Variants in DLAT observed in about 807,000 individuals in gnomAD.
DLAT encodes dihydrolipoamide S-acetyltransferase.
Under a neutral mutation model 68.0 loss-of-function variants are expected in DLAT, and 43 were observed. That is an observed-to-expected ratio of 0.63 (90% CI 0.50 to 0.81). The LOEUF is 0.81. Ranked by LOEUF, DLAT falls within the 40% of genes least tolerant of loss-of-function variation. The pLI, the probability that DLAT is intolerant of heterozygous loss-of-function variation, is 0.00. For missense variants in DLAT, 745 were observed against 815.4 expected, an observed-to-expected ratio of 0.91 and a Z score of 1.05; for synonymous variants, 265 against 288.6, an observed-to-expected ratio of 0.92 and a Z score of 0.83.
chr11:112,028,994 C>T (rs1862251818), intron 4 of DLAT, 49 bp downstream of exon 4: 1 of 1,606,044 alleles, frequency 6.2e-7, no homozygotes, highest in Non-Finnish European at 8.5e-7. Context: ...CTTACTTACT[C>T]ACTTTTTTTC....
At chr11:112,054,721 A>C (rs1320677535) in intron 11 of DLAT, among the ~76,000 whole-genome samples, 1 of 152,224 alleles carries the variant, frequency 6.6e-6, no homozygotes, top group Admixed American at 6.5e-5. Flanking sequence ...AAGTTGATGG[A>C]TTAAAACAAA....
chr11:112,041,899 G>T (rs1480488242), intron 7 of DLAT, among the ~76,000 whole-genome samples: 2 of 151,896 alleles, frequency 1.3e-5, no homozygotes, highest in Admixed American at 6.6e-5. Flanking sequence ...AAAAAAAAAG[G>T]CCAGTGTTAA....
chr11:112,044,790 TG>T lies in DLAT; in HGVS notation c.1198-345del, dbSNP rs1473455881. Reference sequence around the variant, plus strand: ...GCTCATGCTTGTAACCCCAGCACTTTGGGAAGCCAAGGTGGGTGGATCACTT... The same window carrying T: ...GCTCATGCTTGTAACCCCAGCACTTTGGAAGCCAAGGTGGGTGGATCACTT... On this transcript the variant is annotated intron_variant, in intron 8 of 13. Coordinates refer to ENST00000280346, the MANE Select transcript of DLAT (RefSeq NM_001931.5). 3.3e-5 allele frequency among the ~76,000 whole-genome samples: 5 copies of T among 152,254 alleles called. No homozygotes were observed. In the East Asian group the frequency reaches 9.7e-4, roughly 29 times the overall value.
chr11:112,038,171 A>T (rs1416022783), intron 6 of DLAT, among the ~76,000 whole-genome samples: 1 of 152,006 alleles, frequency 6.6e-6, no homozygotes, highest in African/African-American at 2.4e-5. Context: ...ATTTGTGGGA[A>T]GCTGGCAAGT....
intron 11 of DLAT, among the ~76,000 whole-genome samples, chr11:112,059,371 T>C (rs1449560154): frequency 6.6e-6 from 1 of 150,986 alleles, no homozygotes; most frequent in Non-Finnish European, 1.5e-5. Flanking sequence ...TTTTTTTTTT[T>C]CTTGGCAGGC....
chr11:112,027,301 G>A (rs868970464), intron 2 of DLAT, among the ~76,000 whole-genome samples: 25 of 135,434 alleles, frequency 1.8e-4, no homozygotes, highest in Middle Eastern at 6.9e-3. Flanking sequence ...CATCCCAGAC[G>A]GGGCGGCGGG....
At position 112,064,338 on chromosome 11, in the gene DLAT, AAT is replaced by A; in HGVS notation, c.*1805_*1806del. The A allele has an allele frequency of 1.1e-6, 1 of 870,750 alleles. No individual in the cohort carries two copies. The highest frequency in any genetic ancestry group is 2.1e-5 in the South Asian group (1 of 46,674). The allele number at this position is 870,750 out of a possible 1,614,324, so 53.9% of individuals were successfully genotyped here. A position where few individuals can be genotyped will look rare whatever the true frequency, so the allele number is the denominator to read the frequency against. On this transcript the variant is annotated 3_prime_UTR_variant, in exon 14 of 14. Coordinates refer to ENST00000280346, the MANE Select transcript of DLAT (RefSeq NM_001931.5). Reference sequence around the variant, plus strand: ...CCAGAACTGAAAGAAAAAAGTTAGAAATAGTGTTTTTGGTTCATATGATTATT... The same window carrying A: ...CCAGAACTGAAAGAAAAAAGTTAGAAAGTGTTTTTGGTTCATATGATTATT...
At chr11:112,046,637 T>G (rs1373890634) in intron 10 of DLAT, among the ~76,000 whole-genome samples, 1 of 149,624 alleles carries the variant, frequency 6.7e-6, no homozygotes, top group Non-Finnish European at 1.5e-5. Flanking sequence ...CCCCTACAGG[T>G]CCTGGTGTGT....
chr11:112,053,111 C>T (rs567256), intron 11 of DLAT, among the ~76,000 whole-genome samples: 7,688 of 152,088 alleles, frequency 0.051, 663 homozygotes, highest in African/African-American at 0.17. Flanking sequence ...CACTTGAGGT[C>T]AGGAGTTCGA....
rs1362074885 is a variant in DLAT at position 112,043,626 on chromosome 11, C to G, written c.1197+93C>G. The G allele has an allele frequency of 3.5e-6, 4 of 1,127,112 alleles. No homozygotes were observed. In the African/African-American group the frequency reaches 6.1e-5, roughly 17 times the overall value. The allele number at this position is 1,127,112 out of a possible 1,614,324, so 69.8% of individuals were successfully genotyped here. On this transcript the variant is annotated intron_variant, in intron 8 of 13. Coordinates refer to ENST00000280346, the MANE Select transcript of DLAT (RefSeq NM_001931.5). ...TTATTTATGAACGAAATAGCTCAAC[C>G]AAGATTGTTTTCTTCTAATTTCAGT...
At position 112,039,256 on chromosome 11, in the gene DLAT, C is replaced by T. The variant is rs1555180795; in HGVS notation, c.988C>T (p.Pro330Ser). Residue 330 changes from proline to serine, a missense_variant, in exon 7 of 14, where the codon CCT (proline) becomes TCT (serine). Physicochemically the swap from Pro to Ser is moderately conservative, Grantham distance 74 (BLOSUM62 -1). Coordinates refer to ENST00000280346, the MANE Select transcript of DLAT (RefSeq NM_001931.5). ...TTTTTTTCAAAAGGTGGCCGCTGTT[C>T]CTCCAACTCCCCAGCCTTTAGCTCC... is the stretch of plus-strand genomic sequence containing the variant. ...PPTPPPVAAV[P>S]PTPQPLAPTP... The T allele has an allele frequency of 6.2e-7, 1 of 1,613,982 alleles. No individual in the cohort carries two copies. Among genetic ancestry groups the T allele is most frequent in the Admixed American group, 1.7e-5 (1 of 60,012 alleles).
In DLAT at chr11:112,029,673, A is replaced by G. The variant is rs1199902928; in HGVS notation, c.660+728A>G. Among the ~76,000 whole-genome samples the G allele has an allele frequency of 5.9e-5, 9 of 151,480 alleles. No individual in the cohort carries two copies. In the East Asian group the frequency reaches 1.7e-3, roughly 29 times the overall value. ...TTTTTTTTTTTCCACATACAAAAAA[A>G]CTTTATTTACACAGTCTTGGATTCT... On this transcript the variant is annotated intron_variant, in intron 4 of 13. Coordinates refer to ENST00000280346, the MANE Select transcript of DLAT (RefSeq NM_001931.5).
chr11:112,038,450 C>T (rs998981876), intron 6 of DLAT, among the ~76,000 whole-genome samples: 5 of 151,632 alleles, frequency 3.3e-5, no homozygotes, highest in African/African-American at 7.3e-5. Flanking sequence ...CCACCCACCT[C>T]GGCCTCCCAA....
In DLAT at chr11:112,061,022, A is replaced by T. The variant is rs980163567; in HGVS notation, c.1678-16A>T. 27 of 1,548,000 alleles carry T rather than the reference A, an allele frequency of 1.7e-5. No individual in the cohort carries two copies. Among genetic ancestry groups the T allele is most frequent in the East Asian group, 2.4e-5 (1 of 41,076 alleles). ...GTTGACAAACTATAATTTATTTTTA[A>T]TTTTTTTTCCTCTAGGGTGGCACTT... On this transcript the variant is annotated splice_polypyrimidine_tract_variant and intron_variant, in intron 12 of 13. Coordinates refer to ENST00000280346, the MANE Select transcript of DLAT (RefSeq NM_001931.5).
At chr11:112,036,201 G>GTTTGTT (rs1862754862) in intron 5 of DLAT, among the ~76,000 whole-genome samples, 1 of 36,480 alleles carries the variant, frequency 2.7e-5, no homozygotes, top group Admixed American at 5.5e-4. Flanking sequence ...GTGTGTGTGT[G>GTTTGTT]TTTTTTTTTT....
At position 112,054,975 on chromosome 11, in the gene DLAT, C is replaced by T. The variant is rs587709616; in HGVS notation, c.1514+3626C>T. 4.6e-5 allele frequency among the ~76,000 whole-genome samples: 7 copies of T among 152,286 alleles called. No homozygotes were observed. In the South Asian group the frequency reaches 1.2e-3, roughly 27 times the overall value. ...AGTTGGTATTGGATTTAGGGCCACT[C>T]AGATAATATAGGATGATCTTATCTC... On this transcript the variant is annotated intron_variant, in intron 11 of 13. Transcript: ENST00000280346.
chr11:112,047,634 T>C (rs369866842), intron 10 of DLAT, among the ~76,000 whole-genome samples: 1 of 152,258 alleles, frequency 6.6e-6, no homozygotes, highest in African/African-American at 2.4e-5. Flanking sequence ...CTTCAGTTAT[T>C]TTTTGTATAA....
At chr11:112,044,639 T>G (rs1031435901) in intron 8 of DLAT, among the ~76,000 whole-genome samples, 1 of 152,118 alleles carries the variant, frequency 6.6e-6, no homozygotes, top group Non-Finnish European at 1.5e-5. Flanking sequence ...AAAATGACAC[T>G]TAAAACATGA....
At chr11:112,034,779 C>CT (rs1194424480) in intron 5 of DLAT, among the ~76,000 whole-genome samples, 1,807 of 140,242 alleles carry the variant, frequency 0.013, 24 homozygotes, top group African/African-American at 0.037. Flanking sequence ...CCCGCTTTTT[C>CT]TTTTTTTTTT....
Sources: allele counts gnomAD v4.1 joint callset (sites outside exome capture counted in the v4.1 genomes callset), GRCh38; gene constraint gnomAD v4.1.1; transcripts MANE v1.5; gene names NCBI Gene and HGNC (gene_info 2026-07-23, HGNC 2026-07-21).